The following AFF1 variants were observed in gnomAD, a reference collection of about 807,000 sequenced individuals.
AFF1 encodes AF4/FMR2 family member 1.
In AFF1, 48 loss-of-function variants were observed where a neutral mutation model predicts 121.7. The ratio of observed to expected loss-of-function variants is 0.39; its 90% CI spans 0.31 to 0.50. The LOEUF is 0.50. Ranked by LOEUF, AFF1 falls within the 20% of genes least tolerant of loss-of-function variation. The pLI is 0.76. For synonymous variants in AFF1, 613 were observed against 563.0 expected (o/e 1.09, Z -1.26); for missense variants, 1,523 against 1,511.7 (o/e 1.01, Z -0.12).
At chr4:87,003,609 T>C (rs1725883719) in intron 2 of AFF1, among the ~76,000 whole-genome samples, 1 of 152,246 alleles carries the variant, frequency 6.6e-6, no homozygotes, top group African/African-American at 2.4e-5. Flanking sequence ...AAAAGTATAA[T>C]TTTAATATTA....
intron 2 of AFF1, among the ~76,000 whole-genome samples, chr4:86,976,624 A>AG (rs1432268946): frequency 1.3e-5 from 2 of 152,138 alleles, no homozygotes; most frequent in East Asian, 3.8e-4. Context: ...CAGAGGATGG[A>AG]GGGGGAGGAT....
intron 8 of AFF1, among the ~76,000 whole-genome samples, chr4:87,100,667 G>T (rs1390192448): frequency 6.6e-6 from 1 of 152,138 alleles, no homozygotes; most frequent in Non-Finnish European, 1.5e-5. Flanking sequence ...CTAGAGCAGT[G>T]CCTGGCACAT....
At position 87,007,242 on chromosome 4, in the gene AFF1, C is replaced by T. The variant is rs1726233219; in HGVS notation, c.39-38924C>T. On this transcript the variant is annotated intron_variant, in intron 2 of 20. Coordinates refer to ENST00000395146, the MANE Select transcript of AFF1 (RefSeq NM_001166693.3). The stretch of plus-strand genomic sequence containing the variant: ...AATACGGGCCGAGCCCGGGGCTGCG[C>T]CGAGGACGCCCGGGGCTCGAGAGCA... 3 of 1,483,934 alleles carry T rather than the reference C, an allele frequency of 2.0e-6. No homozygotes were observed. In the East Asian group the frequency reaches 7.1e-5, roughly 35 times the overall value. The allele number at this position is 1,483,934 out of a possible 1,614,324, so 91.9% of individuals were successfully genotyped here. A position where few individuals can be genotyped will look rare whatever the true frequency, so the allele number is the denominator to read the frequency against.
chr4:86,995,267 CT>C (rs1560525285), intron 2 of AFF1, among the ~76,000 whole-genome samples: 6 of 117,758 alleles, frequency 5.1e-5, no homozygotes, highest in Admixed American at 9.3e-5. Context: ...AATCTACCCC[CT>C]TCCCCCTCCC....
chr4:87,105,653 A>G lies in AFF1; in HGVS notation c.1309A>G (p.Ser437Gly). The G allele has an allele frequency of 6.2e-7, 1 of 1,614,212 alleles. No homozygotes were observed. Among genetic ancestry groups the G allele is most frequent in the Non-Finnish European group, 8.5e-7 (1 of 1,180,042 alleles). Reference protein sequence around the residue: ...SSMLEDDLQLSDSEDSDSEQT... With the variant: ...SSMLEDDLQLGDSEDSDSEQT... ...CATGCTCGAAGACGACCTTCAGCTC[A>G]GTGACAGTGAGGACAGTGACAGTGA... The change falls in exon 9 of 21, where the codon AGT (serine) becomes GGT (glycine). Residue 437 changes from serine (S) to glycine (G), a missense_variant. Physicochemically the swap from Ser to Gly is moderately conservative, Grantham distance 56 (BLOSUM62 0). Transcript: ENST00000395146.
At chr4:87,039,613 C>T (rs1729904852) in intron 2 of AFF1, among the ~76,000 whole-genome samples, 1 of 152,154 alleles carries the variant, frequency 6.6e-6, no homozygotes, top group African/African-American at 2.4e-5. Flanking sequence ...GTGGTTCTCC[C>T]CATTTCTAGT....
intron 4 of AFF1, chr4:87,048,181 T>C (rs1035445831): frequency 6.5e-6 from 1 of 154,102 alleles, no homozygotes; most frequent in Admixed American, 6.4e-5. Context: ...AAAGTTCTGT[T>C]CTAATATTTT....
At chr4:87,046,082 C>A in intron 2 of AFF1, 84 bp from the exon 3 acceptor site, 2 of 1,530,594 alleles carry the variant, frequency 1.3e-6, no homozygotes, top group Non-Finnish European at 1.8e-6. Context: ...GTCCTCACCT[C>A]CCTTCTCACA....
At chr4:87,063,357 A>T (rs568840136) in intron 4 of AFF1, among the ~76,000 whole-genome samples, 23 of 147,368 alleles carry the variant, frequency 1.6e-4, no homozygotes, top group African/African-American at 5.3e-4. Flanking sequence ...CTCCTGCCTC[A>T]GCCTTCCCAA....
Position 87,136,139 on chromosome 4 carries a change from T to G in AFF1, c.*438T>G, listed in dbSNP as rs1270595857. The G allele has an allele frequency of 1.7e-5, 4 of 233,808 alleles. No individual in the cohort carries two copies. The highest frequency in any genetic ancestry group is 4.4e-5 in the African/African-American group (2 of 45,302). The allele number at this position is 233,808 out of a possible 1,614,324, so 14.5% of individuals were successfully genotyped here. On this transcript the variant is annotated 3_prime_UTR_variant, in exon 21 of 21. Transcript: ENST00000395146. Reference sequence around the variant, plus strand: ...GAAATTTTTTTTTTTAACAATGACTTTTGGTAAAGGGTTTTGTGGATGATT... The same window carrying G: ...GAAATTTTTTTTTTTAACAATGACTGTTGGTAAAGGGTTTTGTGGATGATT...
chr4:87,107,469 C>A (rs1475602893), intron 10 of AFF1, among the ~76,000 whole-genome samples: 1 of 152,150 alleles, frequency 6.6e-6, no homozygotes, highest in Non-Finnish European at 1.5e-5. Context: ...GATCCCTAAG[C>A]CACTTACGAA....
chr4:86,973,950 A>G (rs780877027), intron 2 of AFF1: 18 of 152,192 alleles, frequency 1.2e-4, no homozygotes, highest in Non-Finnish European at 2.5e-4. Context: ...CCTGGCAGAT[A>G]AGCACACAGC....
intron 11 of AFF1, among the ~76,000 whole-genome samples, chr4:87,112,739 A>G (rs1171096085): frequency 1.3e-5 from 2 of 152,202 alleles, no homozygotes; most frequent in Non-Finnish European, 1.5e-5. Flanking sequence ...TCTATAATCT[A>G]AGCAAATAAA....
intron 2 of AFF1, among the ~76,000 whole-genome samples, chr4:86,990,670 A>T (rs1015929104): frequency 2.0e-5 from 3 of 152,224 alleles, no homozygotes; most frequent in Non-Finnish European, 2.9e-5. Context: ...AGGTTTATCA[A>T]AAAACCAAAG....
chr4:87,055,925 C>CT (rs2149637895), intron 4 of AFF1, among the ~76,000 whole-genome samples: 1 of 152,306 alleles, frequency 6.6e-6, no homozygotes, highest in Admixed American at 6.5e-5. Flanking sequence ...CCCAAGAACT[C>CT]TATAAGCAGC....
intron 4 of AFF1, 126 bp from the exon 5 acceptor site, chr4:87,083,994 C>T (rs1372128050): frequency 2.4e-6 from 2 of 823,750 alleles, no homozygotes; most frequent in Non-Finnish European, 2.0e-6. Flanking sequence ...ATGTAAAGTT[C>T]TTAATACTTA....
chr4:87,124,909 G>T (rs541564776), intron 12 of AFF1, 128 bp from the exon 13 acceptor site: 1 of 606,456 alleles, frequency 1.6e-6, no homozygotes, highest in African/African-American at 1.9e-5. Context: ...GTACTAAGAA[G>T]GTTGCTGTGC....
chr4:86,949,446 A>G (rs554087176), intron 2 of AFF1, among the ~76,000 whole-genome samples: 4 of 150,182 alleles, frequency 2.7e-5, no homozygotes, highest in Admixed American at 1.3e-4. Flanking sequence ...AAATGTTACT[A>G]CTACCCCTTG....
chr4:87,072,116 C>A (rs1722125261), intron 4 of AFF1, among the ~76,000 whole-genome samples: 1 of 152,134 alleles, frequency 6.6e-6, no homozygotes, highest in South Asian at 2.1e-4. Context: ...GTAATCCCAG[C>A]ACTTTGGGAG....
Sources: gnomAD v4.1 joint callset for allele counts (sites outside exome capture counted in the v4.1 genomes callset) on GRCh38, gnomAD v4.1.1 for gene constraint, MANE v1.5 for transcripts, NCBI Gene and HGNC (gene_info 2026-07-23, HGNC 2026-07-21) for gene names.